PPP4R4: variants seen among roughly 807,000 people sequenced by gnomAD.
PPP4R4 encodes the protein protein phosphatase 4 regulatory subunit 4.
In PPP4R4, 70 loss-of-function variants were observed where a neutral mutation model predicts 121.8. That is an observed-to-expected ratio of 0.57 (90% CI 0.47 to 0.70). PPP4R4 has a LOEUF of 0.70. PPP4R4 is among the 30% of genes least tolerant of loss of function. The pLI, the probability that PPP4R4 is intolerant of heterozygous loss-of-function variation, is 0.00. For synonymous variants in PPP4R4, 348 were observed against 355.7 expected, an observed-to-expected ratio of 0.98 and a Z score of 0.24; for missense variants, 875 against 1,033.6, an observed-to-expected ratio of 0.85 and a Z score of 2.10.
At chr14:94,231,446 G>A (rs1892031176) in intron 5 of PPP4R4, 131 bp downstream of exon 5, 1 of 625,152 alleles carries the variant, frequency 1.6e-6, no homozygotes, top group Non-Finnish European at 2.7e-6. Context: ...GTGCACATTG[G>A]AGGAAATTTG....
chr14:94,268,039 A>C lies in PPP4R4; in HGVS notation c.2449+1010A>C, dbSNP rs74074202. Among the ~76,000 whole-genome samples, 462 of 152,318 alleles carry C rather than the reference A, an allele frequency of 3.0e-3. 2 individuals carry two copies. The highest frequency in any genetic ancestry group is 0.011 in the African/African-American group (447 of 41,568). ...TCGCAAGAAATAATTTGATAACAGA[A>C]AGTTGATTAACTAAAATTTTCCCCA... On this transcript the variant is annotated intron_variant, in intron 23 of 24. Coordinates refer to ENST00000304338, the MANE Select transcript of PPP4R4 (RefSeq NM_058237.2).
intron 8 of PPP4R4, among the ~76,000 whole-genome samples, chr14:94,240,140 C>T (rs1892550919): frequency 6.6e-6 from 1 of 151,924 alleles, no homozygotes; most frequent in South Asian, 2.1e-4. Flanking sequence ...AGCAGATGTA[C>T]TCAAATAATT....
chr14:94,260,713 T>C (rs1893740260), intron 19 of PPP4R4, among the ~76,000 whole-genome samples: 1 of 152,146 alleles, frequency 6.6e-6, no homozygotes, highest in Non-Finnish European at 1.5e-5. Flanking sequence ...TCATTCTGAA[T>C]ACAATTTCTT....
At chr14:94,216,574 C>T (rs996683478) in intron 3 of PPP4R4, among the ~76,000 whole-genome samples, 1 of 152,202 alleles carries the variant, frequency 6.6e-6, no homozygotes, top group Non-Finnish European at 1.5e-5. Flanking sequence ...GGGGACAAGG[C>T]AGGAGATTGG....
At chr14:94,178,789 C>T (rs1471704719) in intron 2 of PPP4R4, among the ~76,000 whole-genome samples, 1 of 152,164 alleles carries the variant, frequency 6.6e-6, no homozygotes, top group Non-Finnish European at 1.5e-5. Flanking sequence ...GTGTCTTAGT[C>T]AAAATCATAT....
intron 3 of PPP4R4, among the ~76,000 whole-genome samples, chr14:94,223,101 C>G (rs1891505065): frequency 6.6e-6 from 1 of 152,030 alleles, no homozygotes; most frequent in East Asian, 1.9e-4. Context: ...TTAGAGAATT[C>G]TCTGTTGAAA....
chr14:94,185,729 T>C (rs1364001658), intron 2 of PPP4R4, among the ~76,000 whole-genome samples: 1 of 152,210 alleles, frequency 6.6e-6, no homozygotes, highest in Non-Finnish European at 1.5e-5. Flanking sequence ...ATTTAGAAAC[T>C]TCTTGTGTTA....
intron 3 of PPP4R4, among the ~76,000 whole-genome samples, chr14:94,215,492 A>G (rs1890974420): frequency 1.3e-5 from 2 of 152,230 alleles, no homozygotes; most frequent in South Asian, 4.1e-4. Flanking sequence ...CTTACAGATC[A>G]TAAAAAGCCC....
intron 24 of PPP4R4, among the ~76,000 whole-genome samples, chr14:94,276,829 C>T (rs996381433): frequency 6.6e-6 from 1 of 152,030 alleles, no homozygotes; most frequent in Non-Finnish European, 1.5e-5. Context: ...AATTTATTGA[C>T]TAGAGCTCAA....
At chr14:94,244,028 A>G (rs1892762955) in intron 11 of PPP4R4, among the ~76,000 whole-genome samples, 1 of 152,060 alleles carries the variant, frequency 6.6e-6, no homozygotes, top group Non-Finnish European at 1.5e-5. Context: ...TAGAAAGAAT[A>G]AGGTGAAATA....
chr14:94,194,780 A>G (rs144009703), intron 2 of PPP4R4, among the ~76,000 whole-genome samples: 2,255 of 152,208 alleles, frequency 0.015, 32 homozygotes, highest in Middle Eastern at 0.031. Context: ...TACTTGGTTT[A>G]TTTATACTGA....
At position 94,240,647 on chromosome 14, in the gene PPP4R4, A is replaced by G; in HGVS notation, c.854-26A>G. The G allele has an allele frequency of 2.5e-6, 4 of 1,591,856 alleles. No individual in the cohort carries two copies. In the South Asian group the frequency reaches 3.4e-5, roughly 14 times the overall value. ...CAATGTGGACGACTGAATTTAAAGT[A>G]TGTATTATTTTGTTTTGTTTTCCAG... is the stretch of plus-strand genomic sequence containing the variant. On this transcript the variant is annotated intron_variant, in intron 8 of 24. Coordinates refer to ENST00000304338, the MANE Select transcript of PPP4R4 (RefSeq NM_058237.2).
intron 3 of PPP4R4, among the ~76,000 whole-genome samples, chr14:94,218,763 CT>C: frequency 6.6e-6 from 1 of 151,648 alleles, no homozygotes; most frequent in African/African-American, 2.4e-5. Context: ...CACACACACC[CT>C]CACCCCTAGA....
In PPP4R4 at chr14:94,242,269, C is replaced by T. The variant is rs199838383; in HGVS notation, c.1147-20C>T. On this transcript the variant is annotated intron_variant, in intron 10 of 24. Coordinates refer to ENST00000304338, the MANE Select transcript of PPP4R4 (RefSeq NM_058237.2). ...TTTTTCTTTCCTTCCCACTCATCTC[C>T]TCCCTTCCACCTCCACCAGGCCATG... 43 of 1,609,158 alleles carry T rather than the reference C, an allele frequency of 2.7e-5. No homozygotes were observed. The highest frequency in any genetic ancestry group is 3.3e-5 in the Non-Finnish European group (39 of 1,176,446).
At chr14:94,243,126 G>C (rs1022278290) in intron 11 of PPP4R4, among the ~76,000 whole-genome samples, 2 of 152,082 alleles carry the variant, frequency 1.3e-5, no homozygotes, top group African/African-American at 4.8e-5. Context: ...TTGATGATCT[G>C]CAAGTGTGCA....
chr14:94,175,064 C>T (rs886121067), intron 1 of PPP4R4, among the ~76,000 whole-genome samples: 2 of 151,478 alleles, frequency 1.3e-5, no homozygotes, highest in African/African-American at 4.8e-5. Context: ...TCCGCTGACG[C>T]CGCCCGGGTT....
intron 18 of PPP4R4, 93 bp from the exon 19 acceptor site, chr14:94,259,202 G>A (rs760947059): frequency 7.5e-5 from 114 of 1,511,272 alleles, no homozygotes; most frequent in Non-Finnish European, 9.5e-5. Flanking sequence ...GGGACACAGA[G>A]TCAAACCATA....
chr14:94,251,913 G>A lies in PPP4R4; in HGVS notation c.1865+17G>A. On this transcript the variant is annotated intron_variant, in intron 16 of 24. Coordinates refer to ENST00000304338, the MANE Select transcript of PPP4R4 (RefSeq NM_058237.2). ...AAATGTGAGGTATGTTATCAATGAA[G>A]GAAAATATTGGAAATTGTATTTATT... 1 of 1,541,106 alleles carries A rather than the reference G, an allele frequency of 6.5e-7. No individual in the cohort carries two copies. The highest frequency in any genetic ancestry group is 2.3e-5 in the East Asian group (1 of 43,344).
At chr14:94,222,207 C>T (rs1891442153) in intron 3 of PPP4R4, among the ~76,000 whole-genome samples, 1 of 151,682 alleles carries the variant, frequency 6.6e-6, no homozygotes. Flanking sequence ...TTTCTTTTTG[C>T]CAACTGCTCT....
Sources: allele counts gnomAD v4.1 joint callset (sites outside exome capture counted in the v4.1 genomes callset), GRCh38; gene constraint gnomAD v4.1.1; transcripts MANE v1.5; gene names NCBI Gene and HGNC (gene_info 2026-07-23, HGNC 2026-07-21).